SLC9A6: variants seen among roughly 807,000 people sequenced by gnomAD.
SLC9A6 encodes solute carrier family 9 member A6.
SLC9A6 carries 6 observed loss-of-function variants against 45.3 expected under a neutral mutation model. The ratio of observed to expected loss-of-function variants is 0.13; its 90% CI spans 0.07 to 0.26. SLC9A6 has a LOEUF of 0.26. SLC9A6 is among the 10% of genes least tolerant of loss of function. The pLI is 1.00. For synonymous variants in SLC9A6, 191 were observed against 187.7 expected (o/e 1.02, Z -0.14); for missense variants, 278 against 503.7 (o/e 0.55, Z 4.29).
intron 14 of SLC9A6, chrX:136,029,570 A>G (rs1556620860): frequency 8.4e-6 from 1 of 119,335 alleles, no homozygotes; most frequent in African/African-American, 3.3e-5. Context: ...TTTAGGGAAT[A>G]GAGAGGAGCC....
chrX:135,997,012 C>T (rs1038496494), intron 3 of SLC9A6, among the ~76,000 whole-genome samples: 8 of 110,599 alleles, frequency 7.2e-5, no homozygotes, highest in Admixed American at 9.6e-5. Flanking sequence ...GTGATCCGCC[C>T]GCCTTGGCCT....
chrX:135,997,615 C>T (rs1028452341), intron 3 of SLC9A6, among the ~76,000 whole-genome samples: 7 of 106,602 alleles, frequency 6.6e-5, no homozygotes, highest in Admixed American at 6.0e-4. Flanking sequence ...ACCATGTTGG[C>T]TAGGCTGGCC....
At chrX:135,992,655 G>A (rs782061847) in intron 2 of SLC9A6, among the ~76,000 whole-genome samples, 23 of 111,886 alleles carry the variant, frequency 2.1e-4, no homozygotes, top group African/African-American at 7.5e-4. Context: ...ATTTCTTCTA[G>A]TTTGTTACCT....
intron 17 of SLC9A6, among the ~76,000 whole-genome samples, chrX:136,042,169 C>A (rs2071522809): frequency 9.2e-6 from 1 of 108,811 alleles, no homozygotes; most frequent in Non-Finnish European, 1.9e-5. Flanking sequence ...TAACAACCAT[C>A]ACACTTAATT....
At chrX:136,035,683 G>A (rs2071400716) in intron 16 of SLC9A6, among the ~76,000 whole-genome samples, 1 of 111,627 alleles carries the variant, frequency 9.0e-6, no homozygotes, top group African/African-American at 3.3e-5. Context: ...TTTCTCTTGG[G>A]TATATACCAA....
chrX:136,021,549 A>G (rs1463844962), intron 11 of SLC9A6, among the ~76,000 whole-genome samples: 4 of 112,365 alleles, frequency 3.6e-5, no homozygotes, highest in African/African-American at 1.3e-4. Flanking sequence ...GTTTTGAGAC[A>G]GGGTCTCGCT....
chrX:135,985,958 G>T, intron 2 of SLC9A6, 131 bp downstream of exon 2: 2 of 782,858 alleles, frequency 2.6e-6, no homozygotes, highest in Non-Finnish European at 3.8e-6. Context: ...TTTCTGCCTC[G>T]CCTTCCCCCT....
chrX:135,999,016 G>C, intron 6 of SLC9A6, 48 bp downstream of exon 6: 1 of 796,521 alleles, frequency 1.3e-6, no homozygotes. Context: ...GCATTGTTTT[G>C]CAGTCAAATA....
Position 136,047,139 on chromosome X carries a change from A to G in SLC9A6, c.*2415A>G, listed in dbSNP as rs2071613029. On this transcript the variant is annotated 3_prime_UTR_variant, in exon 18 of 18. Transcript: ENST00000630721. The stretch of plus-strand genomic sequence containing the variant: ...AGCCTTGCAAATAACCACTCACAGT[A>G]TTTGAGTCACAGTTTATTTTAGTGA... 1 of 112,745 alleles carries G rather than the reference A, an allele frequency of 8.9e-6. No homozygotes were observed. The highest frequency in any genetic ancestry group is 3.2e-5 in the African/African-American group (1 of 30,919). 9.3% of individuals were successfully genotyped at this position (112,745 alleles called of 1,213,427 possible).
In SLC9A6 at chrX:135,994,945, A is replaced by G; in HGVS notation, c.329A>G (p.His110Arg). 1 of 1,200,018 alleles carries G rather than the reference A, an allele frequency of 8.3e-7. No homozygotes were observed. The highest frequency in any genetic ancestry group is 1.1e-6 in the Non-Finnish European group (1 of 884,655). The part of the protein sequence containing the change: ...EYMLKGEISS[H>R]ELNNVQDNEM... ...ATGCTGAAAGGAGAGATTAGTTCAC[A>G]TGAACTCAATAATGTTCAAGATAAT... is the stretch of plus-strand genomic sequence containing the variant. Residue 110 changes from histidine to arginine, a missense_variant, in exon 3 of 18, where the codon CAT (histidine) becomes CGT (arginine). This residue lies in a region of SLC9A6 where 118 missense variants were observed against 209.9 expected (regional missense o/e 0.56). Coordinates refer to ENST00000630721, the MANE Select transcript of SLC9A6 (RefSeq NM_001379110.1).
upstream of SLC9A6, among the ~76,000 whole-genome samples, chrX:135,980,920 C>T (rs2089283143): frequency 8.9e-6 from 1 of 111,945 alleles, no homozygotes; most frequent in Non-Finnish European, 1.9e-5. Context: ...AGGCCTTATG[C>T]TAGATGCTGT....
At chrX:136,026,799 G>A (rs781907832) in intron 13 of SLC9A6, among the ~76,000 whole-genome samples, 108 of 112,188 alleles carry the variant, frequency 9.6e-4, no homozygotes, top group Non-Finnish European at 1.7e-3. Context: ...GCCTCCCAAA[G>A]TATTGGGATT....
At chrX:135,981,273 A>C (rs1409617887), upstream of SLC9A6, among the ~76,000 whole-genome samples, 1 of 111,677 alleles carries the variant, frequency 9.0e-6, no homozygotes, top group Non-Finnish European at 1.9e-5. Flanking sequence ...TTATGGCAGC[A>C]GGAAACAAAA....
intron 14 of SLC9A6, among the ~76,000 whole-genome samples, 180 bp downstream of exon 14, chrX:136,029,155 A>G (rs966778891): frequency 3.6e-5 from 4 of 111,270 alleles, no homozygotes; most frequent in African/African-American, 1.3e-4. Context: ...AGCATGAGCA[A>G]AGGCATGGGA....
intron 2 of SLC9A6, among the ~76,000 whole-genome samples, chrX:135,993,592 A>T (rs1364168659): frequency 1.8e-5 from 2 of 111,397 alleles, no homozygotes; most frequent in African/African-American, 6.5e-5. Flanking sequence ...GACCTTGGTC[A>T]GGAGCCTGGC....
At chrX:136,017,111 C>T (rs920525909) in intron 11 of SLC9A6, among the ~76,000 whole-genome samples, 13 of 111,147 alleles carry the variant, frequency 1.2e-4, no homozygotes, top group African/African-American at 4.2e-4. Context: ...GATAAGGAAA[C>T]GTTGAATGAG....
At chrX:136,042,329 C>T (rs782465940) in intron 17 of SLC9A6, among the ~76,000 whole-genome samples, 1 of 110,574 alleles carries the variant, frequency 9.0e-6, no homozygotes, top group Non-Finnish European at 1.9e-5. Context: ...TGTGCACCAC[C>T]ACACCCAGCT....
chrX:136,036,481 G>A (rs192761726), intron 16 of SLC9A6, among the ~76,000 whole-genome samples: 178 of 111,541 alleles, frequency 1.6e-3, no homozygotes, highest in African/African-American at 5.3e-3. Flanking sequence ...CTGTATTTAA[G>A]GAGTAGAAGT....
chrX:135,980,216 ATT>A (rs58715904), upstream of SLC9A6, among the ~76,000 whole-genome samples: 114 of 99,949 alleles, frequency 1.1e-3, no homozygotes, highest in Admixed American at 1.1e-3. Context: ...CCAATACATG[ATT>A]TTTTTTTTTT....
Sources: gnomAD v4.1 joint callset for allele counts (sites outside exome capture counted in the v4.1 genomes callset) on GRCh38, gnomAD v4.1.1 for gene constraint, gnomAD v4.1.1 regional missense constraint, MANE v1.5 for transcripts, NCBI Gene and HGNC (gene_info 2026-07-23, HGNC 2026-07-21) for gene names.